IKBKB: variants seen among roughly 807,000 people sequenced by gnomAD.
IKBKB encodes the protein inhibitor of nuclear factor kappa-B kinase subunit beta.
A neutral mutation model predicts 113.6 loss-of-function variants in IKBKB; 42 were observed. The observed-to-expected ratio is 0.37, with a 90% CI of 0.29 to 0.48. The LOEUF (loss-of-function observed/expected upper bound fraction) is 0.48, where lower values mean the gene tolerates loss of function less well. Ranked by LOEUF, IKBKB falls within the 20% of genes least tolerant of loss-of-function variation. The probability of loss-of-function intolerance (pLI) is 0.99; values close to 1 mark genes in which losing one functional copy is unlikely to be tolerated. For synonymous variants in IKBKB, 296 were observed against 361.3 expected (o/e 0.82, Z 2.05); for missense variants, 673 against 939.7 (o/e 0.72, Z 3.71).
chr8:42,272,262 C>T (rs757629567), intron 2 of IKBKB, 57 bp downstream of exon 2: 2 of 1,611,094 alleles, frequency 1.2e-6, no homozygotes, highest in Non-Finnish European at 1.7e-6. Flanking sequence ...TCCTCACTGC[C>T]TCCACTTTCT....
chr8:42,319,137 C>G (rs1585777848), intron 13 of IKBKB, 133 bp from the exon 14 acceptor site: 2 of 799,772 alleles, frequency 2.5e-6, no homozygotes. Flanking sequence ...TAAGTGGCTG[C>G]TATAATAATA....
At chr8:42,278,260 G>A (rs1809600988) in intron 2 of IKBKB, among the ~76,000 whole-genome samples, 3 of 152,360 alleles carry the variant, frequency 2.0e-5, no homozygotes, top group Middle Eastern at 3.4e-3. Context: ...GGCCGGAAGG[G>A]AGGATGGGGC....
intron 2 of IKBKB, among the ~76,000 whole-genome samples, chr8:42,280,651 C>T (rs1003275540): frequency 3.3e-5 from 5 of 152,126 alleles, no homozygotes; most frequent in African/African-American, 4.8e-5. Context: ...CAGCTACCTT[C>T]TGGAAGCCAC....
At chr8:42,296,728 A>G (rs573268146) in intron 5 of IKBKB, among the ~76,000 whole-genome samples, 1 of 151,334 alleles carries the variant, frequency 6.6e-6, no homozygotes, top group Admixed American at 6.6e-5. Flanking sequence ...GTTTTTTTTT[A>G]AAATCAAATG....
chr8:42,303,630 G>A (rs948116980), intron 5 of IKBKB, among the ~76,000 whole-genome samples: 6 of 151,720 alleles, frequency 4.0e-5, no homozygotes, highest in African/African-American at 9.7e-5. Flanking sequence ...TCAGCCTCCC[G>A]AGTAGCTGGG....
At position 42,316,685 on chromosome 8, in the gene IKBKB, C is replaced by T. The variant is rs1321166231; in HGVS notation, c.931-25C>T. On this transcript the variant is annotated intron_variant, in intron 10 of 21. Transcript: ENST00000520810. The surrounding 1 kb of genome is among the most constrained non-coding windows in gnomAD (Gnocchi z 4.5). ...CATTTCCTTGAAGAAATCGGTTTTC[C>T]AGTAACATCTGGGTTGTGTTGCAGC... The T allele has an allele frequency of 1.8e-5, 29 of 1,591,400 alleles. No homozygotes were observed. Among genetic ancestry groups the T allele is most frequent in the Non-Finnish European group, 2.4e-5 (28 of 1,165,466 alleles).
rs1814069623 is a variant in IKBKB at position 42,297,255 on chromosome 8, A to G, written c.388+3743A>G. 2.0e-5 allele frequency among the ~76,000 whole-genome samples: 3 copies of G among 152,230 alleles called. No individual in the cohort carries two copies. In the South Asian group the frequency reaches 6.2e-4, roughly 31 times the overall value. ...AATTTCTTTTTGCAAGGATCTGGTG[A>G]CTGAGCCGGAGTTCATCTAACATAG... On this transcript the variant is annotated intron_variant, in intron 5 of 21. Coordinates refer to ENST00000520810, the MANE Select transcript of IKBKB (RefSeq NM_001556.3).
Position 42,316,674 on chromosome 8 carries a change from A to C in IKBKB, c.931-36A>C, listed in dbSNP as rs377570001. 21 of 1,580,470 alleles carry C rather than the reference A, an allele frequency of 1.3e-5. No individual in the cohort carries two copies. Among genetic ancestry groups the C allele is most frequent in the Middle Eastern group, 3.6e-4 (2 of 5,602 alleles). The stretch of plus-strand genomic sequence containing the variant: ...AAATAGATGGGCATTTCCTTGAAGA[A>C]ATCGGTTTTCCAGTAACATCTGGGT... On this transcript the variant is annotated intron_variant, in intron 10 of 21. Transcript: ENST00000520810. The surrounding 1 kb of genome is among the most constrained non-coding windows in gnomAD (Gnocchi z 4.5).
At chr8:42,302,610 C>G (rs1585678198) in intron 5 of IKBKB, among the ~76,000 whole-genome samples, 1 of 152,092 alleles carries the variant, frequency 6.6e-6, no homozygotes, top group Admixed American at 6.5e-5. Flanking sequence ...ACACATTGTT[C>G]CATGCACAAA....
intron 1 of IKBKB, chr8:42,271,760 C>T (rs1807795459): frequency 2.0e-6 from 1 of 503,116 alleles, no homozygotes. Flanking sequence ...CCACCTCGGG[C>T]AGAAGGCGGG....
chr8:42,314,196 T>C (rs1254294704), intron 8 of IKBKB, 126 bp from the exon 9 acceptor site: 3 of 742,180 alleles, frequency 4.0e-6, no homozygotes, highest in Non-Finnish European at 7.4e-6. Context: ...AGGTCTGTAG[T>C]AGGCTAAACC....
In IKBKB at chr8:42,328,247, C is replaced by CT. The variant is rs59970761; in HGVS notation, c.2115-856dup. On this transcript the variant is annotated intron_variant, in intron 20 of 21. Transcript: ENST00000520810. ...CAGGCGTGAGCCACCGCACCCGGCC[C>CT]TTTTTTTTTTTTTTTTTTTTTAAAT... Among the ~76,000 whole-genome samples the CT allele has an allele frequency of 7.9e-3, 1,044 of 132,478 alleles. 5 individuals carry two copies. The highest frequency in any genetic ancestry group is 0.011 in the South Asian group (44 of 3,976). The allele number at this position is 132,478 out of a possible 152,430, so 86.9% of individuals were successfully genotyped here. A position where few individuals can be genotyped will look rare whatever the true frequency, so the allele number is the denominator to read the frequency against.
chr8:42,303,058 A>C (rs1202635254), intron 5 of IKBKB, among the ~76,000 whole-genome samples: 1 of 130,150 alleles, frequency 7.7e-6, no homozygotes, highest in East Asian at 2.2e-4. Flanking sequence ...GCTTGCCGAG[A>C]GGGAGAGAGA....
At chr8:42,305,484 G>C (rs775467931) in intron 6 of IKBKB, among the ~76,000 whole-genome samples, 1 of 152,212 alleles carries the variant, frequency 6.6e-6, no homozygotes, top group Non-Finnish European at 1.5e-5. Context: ...ATTGTTAGTT[G>C]CTCAAGTTGC....
At chr8:42,276,653 C>T (rs1054734223) in intron 2 of IKBKB, among the ~76,000 whole-genome samples, 1 of 149,936 alleles carries the variant, frequency 6.7e-6, no homozygotes, top group Non-Finnish European at 1.5e-5. Context: ...CTTTTGAGGT[C>T]TTATCCATAA....
intron 2 of IKBKB, chr8:42,272,492 A>G (rs1484841370): frequency 1.2e-5 from 6 of 509,224 alleles, no homozygotes; most frequent in South Asian, 6.8e-5. Flanking sequence ...ACTAATATAT[A>G]CTGATATTAT....
intron 2 of IKBKB, among the ~76,000 whole-genome samples, chr8:42,275,077 A>C (rs766989666): frequency 1.3e-5 from 2 of 151,560 alleles, no homozygotes; most frequent in Non-Finnish European, 2.9e-5. Flanking sequence ...GGGTTTTACC[A>C]TGTTGGCCAG....
At chr8:42,276,472 C>A (rs976187483) in intron 2 of IKBKB, among the ~76,000 whole-genome samples, 3 of 152,160 alleles carry the variant, frequency 2.0e-5, no homozygotes, top group Admixed American at 6.5e-5. Flanking sequence ...GAGTTCCTTG[C>A]ATATTCTTGA....
At position 42,331,220 on chromosome 8, in the gene IKBKB, G is replaced by A. The variant is rs1304341581; in HGVS notation, c.*241G>A. The A allele has an allele frequency of 1.4e-5, 10 of 728,120 alleles. No individual in the cohort carries two copies. Among genetic ancestry groups the A allele is most frequent in the East Asian group, 5.3e-5 (2 of 37,384 alleles). The allele number at this position is 728,120 out of a possible 1,614,324, so 45.1% of individuals were successfully genotyped here. A position where few individuals can be genotyped will look rare whatever the true frequency, so the allele number is the denominator to read the frequency against. On this transcript the variant is annotated 3_prime_UTR_variant, in exon 22 of 22. Transcript: ENST00000520810. ...CCCAGGACCCAGGACGCAGCCCTCC[G>A]TGGGCACTGCCGGCGCCTTGTCTGC... is the stretch of plus-strand genomic sequence containing the variant.
Sources: allele counts gnomAD v4.1 joint callset (sites outside exome capture counted in the v4.1 genomes callset), GRCh38; gene constraint gnomAD v4.1.1; non-coding constraint Gnocchi (gnomAD v3.1); transcripts MANE v1.5; gene names NCBI Gene and HGNC (gene_info 2026-07-23, HGNC 2026-07-21).